The following ABCA13 variants were observed in gnomAD, a reference collection of about 807,000 sequenced individuals.
ABCA13 encodes ATP binding cassette subfamily A member 13, also known as ATP-binding cassette sub-family A member 13.
Under a neutral mutation model 478.7 loss-of-function variants are expected in ABCA13, and 476 were observed. The ratio of observed to expected loss-of-function variants is 0.99; its 90% CI spans 0.92 to 1.07. ABCA13 has a LOEUF of 1.07. Among genes scored for constraint, ABCA13 ranks in the 50% least tolerant of loss-of-function variants. The pLI, the probability that ABCA13 is intolerant of heterozygous loss-of-function variation, is 0.00. For missense variants in ABCA13, 6,060 were observed against 5,910.6 expected (o/e 1.03, Z -0.83); for synonymous variants, 2,252 against 2,158.9 (o/e 1.04, Z -1.20).
At chr7:48,201,080 G>T (rs1243588540) in intron 3 of ABCA13, among the ~76,000 whole-genome samples, 1 of 145,804 alleles carries the variant, frequency 6.9e-6, no homozygotes, top group Non-Finnish European at 1.5e-5. Flanking sequence ...TACTTTATTG[G>T]TTTACAAAGC....
chr7:48,297,826 G>A (rs945201594), intron 22 of ABCA13, among the ~76,000 whole-genome samples: 3 of 150,400 alleles, frequency 2.0e-5, no homozygotes, highest in East Asian at 1.9e-4. Flanking sequence ...CCCAGCTGGA[G>A]TACAGTGGCG....
intron 1 of ABCA13, among the ~76,000 whole-genome samples, chr7:48,172,584 A>G (rs899352336): frequency 6.6e-6 from 1 of 151,904 alleles, no homozygotes; most frequent in African/African-American, 2.4e-5. Context: ...TCACGAGGTC[A>G]GGAGATCGAG....
At chr7:48,552,923 T>C (rs1007276403) in intron 55 of ABCA13, among the ~76,000 whole-genome samples, 3 of 151,662 alleles carry the variant, frequency 2.0e-5, no homozygotes, top group African/African-American at 7.2e-5. Context: ...TCTTTACAAC[T>C]ACTTCTTGTA....
intron 42 of ABCA13, among the ~76,000 whole-genome samples, chr7:48,454,656 G>T (rs561254102): frequency 6.5e-4 from 99 of 152,248 alleles, no homozygotes; most frequent in African/African-American, 2.2e-3. Flanking sequence ...AATGAATCCC[G>T]ACCCACACAT....
intron 60 of ABCA13, 40 bp from the exon 61 acceptor site, chr7:48,644,577 A>G: frequency 2.6e-6 from 4 of 1,544,840 alleles, no homozygotes; most frequent in Non-Finnish European, 3.5e-6. Flanking sequence ...TAATAATGCT[A>G]GTTATATGAT....
At chr7:48,612,116 C>CCAT (rs1318051729) in intron 58 of ABCA13, 4 of 152,166 alleles carry the variant, frequency 2.6e-5, no homozygotes, top group Non-Finnish European at 5.9e-5. Context: ...CACCGTGCCA[C>CCAT]CATCACCATC....
intron 40 of ABCA13, among the ~76,000 whole-genome samples, chr7:48,411,902 C>A (rs1819305436): frequency 6.6e-6 from 1 of 152,206 alleles, no homozygotes; most frequent in Non-Finnish European, 1.5e-5. Context: ...TGCTTCCTCT[C>A]TCATTCAGCG....
In ABCA13 at chr7:48,377,357, G is replaced by A. The variant is rs541984297; in HGVS notation, c.11335+785G>A. ...TTAGAGATAACACTTTGATGGTGGTGTATTTTCTTGCTGAAATTACTTGGC... is the reference window on the plus strand; with the variant it reads ...TTAGAGATAACACTTTGATGGTGGTATATTTTCTTGCTGAAATTACTTGGC... On this transcript the variant is annotated intron_variant, in intron 35 of 61. Transcript: ENST00000435803. Among the ~76,000 whole-genome samples, 247 of 152,250 alleles carry A rather than the reference G, an allele frequency of 1.6e-3. 2 individuals are homozygous for A. Among genetic ancestry groups the A allele is most frequent in the Non-Finnish European group, 2.2e-3 (151 of 68,010 alleles).
intron 3 of ABCA13, among the ~76,000 whole-genome samples, chr7:48,205,552 C>A (rs1056355657): frequency 6.6e-6 from 1 of 152,220 alleles, no homozygotes; most frequent in Admixed American, 6.5e-5. Context: ...CTATCTTGCA[C>A]TTCTCCTTTA....
In ABCA13 at chr7:48,358,725, G is replaced by T. The variant is rs547780364; in HGVS notation, c.10688+6238G>T. Among the ~76,000 whole-genome samples the T allele has an allele frequency of 4.6e-5, 7 of 152,126 alleles. No homozygotes were observed. The East Asian group carries it at 1.3e-3, about 29-fold the overall frequency. ...GTTAGTGTACATTCATAACTAATAA[G>T]GGGCGAAAAGGGAGATACAGATACT... On this transcript the variant is annotated intron_variant, in intron 31 of 61. Transcript: ENST00000435803.
chr7:48,328,246 A>T (rs995681489), intron 27 of ABCA13, among the ~76,000 whole-genome samples: 1 of 152,142 alleles, frequency 6.6e-6, no homozygotes, highest in African/African-American at 2.4e-5. Context: ...CACTGGTGGG[A>T]CCTTTAGGCA....
At chr7:48,317,753 G>A (rs1026057218) in intron 27 of ABCA13, among the ~76,000 whole-genome samples, 5 of 152,196 alleles carry the variant, frequency 3.3e-5, no homozygotes, top group African/African-American at 1.2e-4. Context: ...TTCACTGTAA[G>A]GCTTTGCTTC....
At chr7:48,385,507 A>G (rs1001567310) in intron 35 of ABCA13, among the ~76,000 whole-genome samples, 9 of 152,172 alleles carry the variant, frequency 5.9e-5, no homozygotes, top group African/African-American at 2.2e-4. Flanking sequence ...TTATGGCTGC[A>G]TAGTAGTAGT....
intron 35 of ABCA13, among the ~76,000 whole-genome samples, chr7:48,384,923 G>A (rs1328316273): frequency 6.6e-6 from 1 of 152,108 alleles, no homozygotes; most frequent in Admixed American, 6.5e-5. Context: ...TTTCTTTTAT[G>A]AGGACACCAC....
Position 48,412,558 on chromosome 7 carries a change from G to A in ABCA13, c.12434G>A (p.Gly4145Glu), listed in dbSNP as rs988059013. The A allele has an allele frequency of 6.2e-7, 1 of 1,611,218 alleles. No homozygotes were observed. Among genetic ancestry groups the A allele is most frequent in the African/African-American group, 1.3e-5 (1 of 74,480 alleles). The part of the protein sequence containing the change: ...NLHQLHLTGY[G>E]ISDTTLEEVF... ...CATCAGCTGCACCTGACGGGCTATG[G>A]GATCTCAGACACCACCTTAGAAGAG... Residue 4145 changes from glycine to glutamate, a missense_variant, in exon 41 of 62, where the codon GGG becomes GAG. Transcript: ENST00000435803.
intron 2 of ABCA13, among the ~76,000 whole-genome samples, chr7:48,196,054 A>G (rs1288022988): frequency 6.6e-6 from 1 of 152,192 alleles, no homozygotes; most frequent in African/African-American, 2.4e-5. Flanking sequence ...CAACCAGAGG[A>G]TAACGTGGTA....
intron 15 of ABCA13, among the ~76,000 whole-genome samples, chr7:48,262,433 G>A (rs1007712975): frequency 2.0e-5 from 3 of 151,788 alleles, no homozygotes; most frequent in Non-Finnish European, 4.4e-5. Flanking sequence ...GACTTTGGGG[G>A]ATTCTGTGAA....
intron 5 of ABCA13, among the ~76,000 whole-genome samples, chr7:48,221,875 G>A (rs1021284830): frequency 2.0e-5 from 3 of 152,218 alleles, no homozygotes; most frequent in Admixed American, 1.3e-4. Flanking sequence ...CAGAACATCA[G>A]TAGTCCGGTT....
intron 34 of ABCA13, among the ~76,000 whole-genome samples, chr7:48,375,622 G>A (rs893773359): frequency 3.9e-5 from 6 of 151,926 alleles, no homozygotes; most frequent in African/African-American, 1.4e-4. Context: ...TTTTGGGGGG[G>A]GGTGTTTTTG....
Sources: gnomAD v4.1 joint callset for allele counts (sites outside exome capture counted in the v4.1 genomes callset) on GRCh38, gnomAD v4.1.1 for gene constraint, MANE v1.5 for transcripts, NCBI Gene and HGNC (gene_info 2026-07-23, HGNC 2026-07-21) for gene names.